The following IFT80 variants were observed in gnomAD, a reference collection of about 807,000 sequenced individuals.
IFT80 encodes the protein intraflagellar transport protein 80 homolog.
In IFT80, 79 loss-of-function variants were observed where a neutral mutation model predicts 107.9. The observed-to-expected ratio is 0.73, with a 90% CI of 0.61 to 0.88. The LOEUF is 0.88. IFT80 is among the 40% of genes least tolerant of loss of function. The pLI, the probability that IFT80 is intolerant of heterozygous loss-of-function variation, is 0.00. For missense variants in IFT80, 797 were observed against 914.2 expected, an observed-to-expected ratio of 0.87 and a Z score of 1.65; for synonymous variants, 299 against 300.9, an observed-to-expected ratio of 0.99 and a Z score of 0.07.
chr3:160,309,718 G>T (rs984717336), intron 9 of IFT80, among the ~76,000 whole-genome samples: 3 of 151,628 alleles, frequency 2.0e-5, no homozygotes, highest in African/African-American at 7.3e-5. Flanking sequence ...AGAACAGCGT[G>T]TATAGTATGA....
At chr3:160,382,347 TTTAA>T (rs374700693) in intron 2 of IFT80, among the ~76,000 whole-genome samples, 18 of 152,320 alleles carry the variant, frequency 1.2e-4, no homozygotes, top group African/African-American at 3.6e-4. Context: ...TTCACTTATT[TTTAA>T]TTGACAATAC....
At chr3:160,279,752 A>G (rs1443515788) in intron 15 of IFT80, among the ~76,000 whole-genome samples, 1 of 152,210 alleles carries the variant, frequency 6.6e-6, no homozygotes, top group East Asian at 1.9e-4. Flanking sequence ...AACAATAAAA[A>G]GTAAACCAAA....
At chr3:160,317,796 A>C (rs1197174465) in intron 9 of IFT80, among the ~76,000 whole-genome samples, 1 of 152,070 alleles carries the variant, frequency 6.6e-6, no homozygotes, top group Non-Finnish European at 1.5e-5. Context: ...TCTTCAACAA[A>C]CAAAATGCAG....
chr3:160,303,902 CATA>C lies in IFT80; in HGVS notation c.1151+10_1151+12del, dbSNP rs758196107. 1 of 1,542,150 alleles carries C rather than the reference CATA, an allele frequency of 6.5e-7. No homozygotes were observed. The highest frequency in any genetic ancestry group is 9.0e-7 in the Non-Finnish European group (1 of 1,114,842). ...TTTAACCCCAGATCCAGTAGTTAAA[CATA>C]ATAAATTACCTTTCTGCCTGCAGAA... is the stretch of plus-strand genomic sequence containing the variant. On this transcript the variant is annotated intron_variant, in intron 11 of 19. Coordinates refer to ENST00000326448, the MANE Select transcript of IFT80 (RefSeq NM_020800.3).
intron 8 of IFT80, among the ~76,000 whole-genome samples, chr3:160,354,372 G>A (rs1455557458): frequency 1.3e-5 from 2 of 152,112 alleles, no homozygotes; most frequent in Non-Finnish European, 2.9e-5. Context: ...AACTTGGGCC[G>A]GGCTGGGTGG....
chr3:160,288,894 T>A (rs186519257), intron 12 of IFT80, among the ~76,000 whole-genome samples: 148 of 152,118 alleles, frequency 9.7e-4, no homozygotes, highest in Middle Eastern at 3.4e-3. Context: ...TGGAGAGGAG[T>A]GTGGCAATTC....
chr3:160,385,624 C>T (rs1712868762), intron 1 of IFT80, among the ~76,000 whole-genome samples: 1 of 152,198 alleles, frequency 6.6e-6, no homozygotes, highest in Non-Finnish European at 1.5e-5. Flanking sequence ...CTTTTCACTT[C>T]TTTCTCTTCC....
intron 4 of IFT80, among the ~76,000 whole-genome samples, chr3:160,376,462 G>A (rs1206093687): frequency 6.6e-6 from 1 of 152,164 alleles, no homozygotes; most frequent in Non-Finnish European, 1.5e-5. Flanking sequence ...ACATGTTAAA[G>A]ATACAAGTAA....
At chr3:160,355,976 G>C in intron 8 of IFT80, 37 bp downstream of exon 8, 1 of 1,611,002 alleles carries the variant, frequency 6.2e-7, no homozygotes. Flanking sequence ...CCACATTTAT[G>C]ACAGCACATC....
chr3:160,315,053 A>AAGGGAGGGAAGG (rs1717694940), intron 9 of IFT80, among the ~76,000 whole-genome samples: 1 of 45,170 alleles, frequency 2.2e-5, no homozygotes, highest in Non-Finnish European at 4.2e-5. Flanking sequence ...AAAAAGAAGG[A>AAGGGAGGGAAGG]AGGGAGGGAG....
chr3:160,273,645 A>G (rs1212446878), intron 18 of IFT80, among the ~76,000 whole-genome samples: 3 of 152,212 alleles, frequency 2.0e-5, no homozygotes, highest in African/African-American at 7.2e-5. Flanking sequence ...AATTTGAGCT[A>G]AAAAATGTGA....
In IFT80 at chr3:160,268,480, C is replaced by T. The variant is rs551983792; in HGVS notation, c.2156G>A (p.Arg719His). Residue 719 changes from arginine to histidine, a missense_variant, in exon 19 of 20, where the codon CGT (arginine) becomes CAT (histidine). Transcript: ENST00000326448. ...ACCAAATGTCTCCAAAAACTTTTGA[C>T]GGTAAGCAAGAACTGTATCAACATG... ...KTHVDTVLAYRQKFLETFGKQ... is the reference protein window; with the variant it reads ...KTHVDTVLAYHQKFLETFGKQ... 346 of 1,613,084 alleles carry T rather than the reference C, an allele frequency of 2.1e-4. 6 individuals are homozygous for T. The South Asian group carries it at 3.2e-3, about 15-fold the overall frequency.
chr3:160,303,787 T>C, intron 11 of IFT80, 128 bp downstream of exon 11: 2 of 641,264 alleles, frequency 3.1e-6, no homozygotes, highest in Non-Finnish European at 5.7e-6. Context: ...TCTTCTAAAA[T>C]GTAAAATAGA....
At chr3:160,313,155 T>C (rs1460589107) in intron 9 of IFT80, among the ~76,000 whole-genome samples, 1 of 134,788 alleles carries the variant, frequency 7.4e-6, no homozygotes, top group Non-Finnish European at 1.5e-5. Context: ...CTTCCATGTA[T>C]GAATTAACAC....
At chr3:160,310,335 A>G (rs534003452) in intron 9 of IFT80, among the ~76,000 whole-genome samples, 1 of 152,354 alleles carries the variant, frequency 6.6e-6, no homozygotes, top group East Asian at 1.9e-4. Context: ...GTTGAAACAC[A>G]CAGAAAATGT....
chr3:160,296,377 T>C (rs1354704376), intron 12 of IFT80, among the ~76,000 whole-genome samples: 1 of 152,162 alleles, frequency 6.6e-6, no homozygotes, highest in Non-Finnish European at 1.5e-5. Context: ...CCTCACCACA[T>C]ACATTCTAAT....
chr3:160,329,824 CTTTT>C (rs144967861), intron 8 of IFT80, among the ~76,000 whole-genome samples: 1 of 151,376 alleles, frequency 6.6e-6, no homozygotes, highest in Non-Finnish European at 1.5e-5. Flanking sequence ...AAATTGTATG[CTTTT>C]TTTTTCTTGT....
intron 12 of IFT80, among the ~76,000 whole-genome samples, chr3:160,295,075 AAGAC>A (rs760374252): frequency 1.1e-4 from 17 of 152,234 alleles, no homozygotes; most frequent in Non-Finnish European, 2.1e-4. Flanking sequence ...AGTTGATTTT[AAGAC>A]AGACAGAACA....
intron 1 of IFT80, among the ~76,000 whole-genome samples, chr3:160,398,461 C>T (rs534499873): frequency 6.6e-6 from 1 of 152,148 alleles, no homozygotes; most frequent in African/African-American, 2.4e-5. Flanking sequence ...TGCATGAATA[C>T]TGGAGATAGT....
Sources: gnomAD v4.1 joint callset for allele counts (sites outside exome capture counted in the v4.1 genomes callset) on GRCh38, gnomAD v4.1.1 for gene constraint, MANE v1.5 for transcripts, NCBI Gene and HGNC (gene_info 2026-07-23, HGNC 2026-07-21) for gene names.